Variants in EBF1 observed in about 807,000 individuals in gnomAD.
EBF1 encodes the protein transcription factor COE1.
In EBF1, 10 loss-of-function variants were observed where a neutral mutation model predicts 68.4. The observed-to-expected ratio is 0.15, with a 90% CI of 0.09 to 0.25. The LOEUF is 0.25. EBF1 is among the 10% of genes least tolerant of loss of function. The probability of loss-of-function intolerance (pLI) is 1.00; values close to 1 mark genes in which losing one functional copy is unlikely to be tolerated. For missense variants in EBF1, 509 were observed against 794.4 expected (o/e 0.64, Z 4.32); for synonymous variants, 298 against 299.8 (o/e 0.99, Z 0.06).
At chr5:158,844,188 C>CTTTT (rs10640628) in intron 6 of EBF1, among the ~76,000 whole-genome samples, 3,177 of 126,026 alleles carry the variant, frequency 0.025, 88 homozygotes, top group African/African-American at 0.059. Flanking sequence ...TAACTCAAGC[C>CTTTT]TTTTTTTTTT....
intron 6 of EBF1, among the ~76,000 whole-genome samples, chr5:159,005,043 C>T (rs560405219): frequency 6.6e-6 from 1 of 152,252 alleles, no homozygotes; most frequent in East Asian, 1.9e-4. Context: ...CCAAAGACTG[C>T]AATAGAAAAG....
intron 6 of EBF1, among the ~76,000 whole-genome samples, chr5:158,964,555 G>A (rs920645245): frequency 1.3e-5 from 2 of 152,126 alleles, no homozygotes; most frequent in African/African-American, 4.8e-5. Flanking sequence ...AGGACCCACA[G>A]GTATGGAGAA....
intron 6 of EBF1, among the ~76,000 whole-genome samples, chr5:159,015,434 G>T (rs1305583288): frequency 6.6e-6 from 1 of 152,226 alleles, no homozygotes; most frequent in African/African-American, 2.4e-5. Context: ...CAGGAACTCA[G>T]CTTGGAGCTG....
chr5:158,940,677 C>A (rs954498247), intron 6 of EBF1, among the ~76,000 whole-genome samples: 1 of 148,580 alleles, frequency 6.7e-6, no homozygotes, highest in Non-Finnish European at 1.5e-5. Flanking sequence ...ATACAGGCCA[C>A]CTTATCCAGC....
At chr5:158,862,565 A>T (rs1795152098) in intron 6 of EBF1, among the ~76,000 whole-genome samples, 1 of 152,158 alleles carries the variant, frequency 6.6e-6, no homozygotes, top group South Asian at 2.1e-4. Flanking sequence ...TGCCTGCTAC[A>T]GGGCTGAGAA....
chr5:158,713,661 A>G (rs1456123501), intron 12 of EBF1, among the ~76,000 whole-genome samples: 2 of 152,230 alleles, frequency 1.3e-5, no homozygotes, highest in Non-Finnish European at 2.9e-5. Flanking sequence ...TACATGAAAA[A>G]GGAGTGAATG....
chr5:158,797,443 C>T (rs1321526500), intron 8 of EBF1, among the ~76,000 whole-genome samples: 1 of 152,090 alleles, frequency 6.6e-6, no homozygotes, highest in Non-Finnish European at 1.5e-5. Flanking sequence ...AAGCAACATC[C>T]TAAAGGGAGA....
intron 6 of EBF1, among the ~76,000 whole-genome samples, chr5:159,066,637 A>ACT (rs1012999193): frequency 9.8e-5 from 8 of 81,810 alleles, no homozygotes; most frequent in African/African-American, 3.1e-4. Context: ...ACAGACACAC[A>ACT]CACACACACA....
At chr5:158,869,578 AACACACACACACACACAC>A (rs3035120) in intron 6 of EBF1, among the ~76,000 whole-genome samples, 3 of 145,172 alleles carry the variant, frequency 2.1e-5, no homozygotes, top group Non-Finnish European at 3.0e-5. Flanking sequence ...GATCCTAATA[AACACACACACACACACAC>A]ACACACACAC....
chr5:159,090,230 A>G (rs902392973), intron 4 of EBF1, among the ~76,000 whole-genome samples: 4 of 137,330 alleles, frequency 2.9e-5, no homozygotes, highest in East Asian at 2.2e-4. Context: ...ACCAATTTCT[A>G]CTGTTTGTCA....
At chr5:158,777,332 T>A in intron 10 of EBF1, 81 bp downstream of exon 10, 1 of 1,336,258 alleles carries the variant, frequency 7.5e-7, no homozygotes. Context: ...ATAAAATACA[T>A]GCTTTTATAC....
intron 10 of EBF1, among the ~76,000 whole-genome samples, chr5:158,771,642 C>A (rs1256840990): frequency 6.6e-6 from 1 of 152,042 alleles, no homozygotes; most frequent in Non-Finnish European, 1.5e-5. Context: ...ATTTGTCTAC[C>A]TATGAACAGA....
intron 6 of EBF1, among the ~76,000 whole-genome samples, chr5:158,913,474 G>T (rs1243229119): frequency 1.3e-5 from 2 of 152,166 alleles, no homozygotes; most frequent in East Asian, 3.9e-4. Flanking sequence ...GCCTTTGGTG[G>T]TCTGCTTTCT....
chr5:158,848,463 C>A (rs1791972335), intron 6 of EBF1, among the ~76,000 whole-genome samples: 1 of 152,108 alleles, frequency 6.6e-6, no homozygotes, highest in South Asian at 2.1e-4. Flanking sequence ...CCACTCTCAC[C>A]CTATTTGTGA....
chr5:158,972,112 C>T (rs928415537), intron 6 of EBF1, among the ~76,000 whole-genome samples: 2 of 152,140 alleles, frequency 1.3e-5, no homozygotes, highest in Admixed American at 1.3e-4. Context: ...GGTGTCCGTG[C>T]TGATTGTCCA....
At chr5:158,840,962 CG>C (rs1360088832) in intron 6 of EBF1, among the ~76,000 whole-genome samples, 1 of 152,054 alleles carries the variant, frequency 6.6e-6, no homozygotes, top group Admixed American at 6.5e-5. Flanking sequence ...TGAGCCACCG[CG>C]CCAGGCCCTC....
At chr5:158,771,186 A>G (rs1256791194) in intron 10 of EBF1, among the ~76,000 whole-genome samples, 1 of 152,126 alleles carries the variant, frequency 6.6e-6, no homozygotes, top group Non-Finnish European at 1.5e-5. Flanking sequence ...AATTCTTTGG[A>G]TTTTCAAAAA....
intron 7 of EBF1, among the ~76,000 whole-genome samples, 188 bp from the exon 8 acceptor site, chr5:158,823,505 G>A (rs1487997290): frequency 1.3e-5 from 2 of 152,190 alleles, no homozygotes; most frequent in East Asian, 3.8e-4. Context: ...GGCATGGAAC[G>A]CTTTTGATGC....
At chr5:159,017,942 G>A (rs754479869) in intron 6 of EBF1, among the ~76,000 whole-genome samples, 11 of 152,076 alleles carry the variant, frequency 7.2e-5, no homozygotes, top group Non-Finnish European at 1.2e-4. Context: ...TTTCCCACAT[G>A]GGGCTAAGCA....
Sources: allele counts gnomAD v4.1 joint callset (sites outside exome capture counted in the v4.1 genomes callset), GRCh38; gene constraint gnomAD v4.1.1; transcripts MANE v1.5; gene names NCBI Gene and HGNC (gene_info 2026-07-23, HGNC 2026-07-21).